The following FBXO42 variants were observed in gnomAD, a reference collection of about 807,000 sequenced individuals.
The protein encoded by FBXO42 is F-box protein 42.
Under a neutral mutation model 71.7 loss-of-function variants are expected in FBXO42, and 12 were observed. The observed-to-expected ratio is 0.17, with a 90% CI of 0.11 to 0.27. The LOEUF (loss-of-function observed/expected upper bound fraction) is 0.27, where lower values mean the gene tolerates loss of function less well. FBXO42 is among the 10% of genes least tolerant of loss of function. The pLI is 1.00. For synonymous variants in FBXO42, 325 were observed against 327.5 expected (o/e 0.99, Z 0.08); for missense variants, 707 against 911.9 (o/e 0.78, Z 2.89).
intron 4 of FBXO42, among the ~76,000 whole-genome samples, chr1:16,287,066 A>T (rs951538874): frequency 6.6e-6 from 1 of 152,192 alleles, no homozygotes; most frequent in Non-Finnish European, 1.5e-5. Flanking sequence ...AGTGAATATG[A>T]CAATGTCCTT....
chr1:16,260,816 C>T (rs995399574), intron 4 of FBXO42, among the ~76,000 whole-genome samples: 3 of 152,156 alleles, frequency 2.0e-5, no homozygotes, highest in African/African-American at 7.2e-5. Flanking sequence ...CTTTCTACCT[C>T]AGCCTCCTAA....
chr1:16,279,854 C>CTTTTTTCTTTTT (rs1553151076), intron 4 of FBXO42, among the ~76,000 whole-genome samples: 10 of 138,168 alleles, frequency 7.2e-5, no homozygotes, highest in African/African-American at 2.7e-4. Flanking sequence ...TTTTTTTTTT[C>CTTTTTTCTTTTT]TTTTTTTTTT....
intron 4 of FBXO42, among the ~76,000 whole-genome samples, chr1:16,286,832 T>A (rs2082026836): frequency 6.6e-6 from 1 of 152,218 alleles, no homozygotes; most frequent in Non-Finnish European, 1.5e-5. Flanking sequence ...GATAAAAACC[T>A]GAAGAGTCAT....
chr1:16,290,977 A>C (rs2082071266), intron 4 of FBXO42, among the ~76,000 whole-genome samples: 1 of 152,314 alleles, frequency 6.6e-6, no homozygotes, highest in East Asian at 1.9e-4. Context: ...ATGTAAAAAG[A>C]CATCTGATGC....
At chr1:16,350,756 A>AGAAAGAAAGAAAG (rs1557612351) in intron 1 of FBXO42, among the ~76,000 whole-genome samples, 1 of 128,392 alleles carries the variant, frequency 7.8e-6, no homozygotes, top group Non-Finnish European at 1.7e-5. Flanking sequence ...AAAAAAAAAA[A>AGAAAGAAAGAAAG]AAAAGAAAGA....
At chr1:16,267,973 A>C (rs1452219303) in intron 4 of FBXO42, among the ~76,000 whole-genome samples, 1 of 152,230 alleles carries the variant, frequency 6.6e-6, no homozygotes, top group Admixed American at 6.5e-5. Flanking sequence ...TGAATAGGGC[A>C]GCACTTATCA....
rs907005091 is a variant in FBXO42, at chr1:16,321,945, G to A, written c.-17-6510C>T. On this transcript the variant is annotated intron_variant, in intron 1 of 9. Coordinates refer to ENST00000375592, the MANE Select transcript of FBXO42 (RefSeq NM_018994.3). ...GCAATTTGGGAGTCCGAGGTGGGTG[G>A]ATCACCTGAGGACGGGAGCTCAAGA... 4.0e-5 allele frequency among the ~76,000 whole-genome samples: 6 copies of A among 151,714 alleles called. 1 individual carries two copies. The highest frequency in any genetic ancestry group is 1.5e-4 in the African/African-American group (6 of 41,334).
rs143462250 is a variant in FBXO42 at position 16,338,775 on chromosome 1, A to G, written c.-18+13480T>C. Among the ~76,000 whole-genome samples the G allele has an allele frequency of 2.1e-5, 3 of 144,550 alleles. No homozygotes were observed. In the East Asian group the frequency reaches 6.5e-4, roughly 31 times the overall value. 94.8% of individuals were successfully genotyped at this position (144,550 alleles called of 152,430 possible). On this transcript the variant is annotated intron_variant, in intron 1 of 9. Coordinates refer to ENST00000375592, the MANE Select transcript of FBXO42 (RefSeq NM_018994.3). ...TAATACATTTTAACAAGATGCTGTG[A>G]TGGAATGGAACATTTTATTTCCATT...
chr1:16,283,570 TCA>T (rs2100507163), intron 4 of FBXO42, among the ~76,000 whole-genome samples: 1 of 142,804 alleles, frequency 7.0e-6, no homozygotes, highest in East Asian at 2.3e-4. Context: ...CAATCTTGGC[TCA>T]CTGCAACCTC....
Position 16,251,855 on chromosome 1 carries a change from T to C in FBXO42, c.1039-70A>G. ...TTGTTCATTCAACTGTCAAACATTT[T>C]ATCATGAGCATCTGTCATGTGCCAG... On this transcript the variant is annotated intron_variant, in intron 9 of 9. Transcript: ENST00000375592. The surrounding 1 kb of genome is among the most constrained non-coding windows in gnomAD (Gnocchi z 4.5). 6.5e-7 allele frequency: 1 copy of C among 1,527,642 alleles called. No homozygotes were observed. The highest frequency in any genetic ancestry group is 1.3e-5 in the South Asian group (1 of 78,812). The allele number at this position is 1,527,642 out of a possible 1,614,324, so 94.6% of individuals were successfully genotyped here.
chr1:16,316,169 C>CAAAA (rs58485035), intron 1 of FBXO42, among the ~76,000 whole-genome samples: 6 of 109,048 alleles, frequency 5.5e-5, no homozygotes, highest in Admixed American at 1.0e-4. Flanking sequence ...ACCTCCATCT[C>CAAAA]AAAAAAAAAA....
intron 1 of FBXO42, among the ~76,000 whole-genome samples, chr1:16,329,191 ATGGGAT>A (rs2082475328): frequency 6.9e-6 from 1 of 145,410 alleles, no homozygotes; most frequent in South Asian, 2.2e-4. Flanking sequence ...AAGAAAATTG[ATGGGAT>A]TGTGTAAAAG....
At chr1:16,290,634 G>A (rs142710621) in intron 4 of FBXO42, among the ~76,000 whole-genome samples, 1,649 of 151,814 alleles carry the variant, frequency 0.011, 31 homozygotes, top group African/African-American at 0.037. Flanking sequence ...AGAGGTTGCA[G>A]TGAACCAAGA....
At chr1:16,264,653 C>T (rs1244035960) in intron 4 of FBXO42, among the ~76,000 whole-genome samples, 1 of 152,210 alleles carries the variant, frequency 6.6e-6, no homozygotes, top group African/African-American at 2.4e-5. Context: ...TCATGGGCTT[C>T]ATTCCCCAAA....
intron 4 of FBXO42, among the ~76,000 whole-genome samples, chr1:16,278,245 A>G (rs376919009): frequency 1.3e-5 from 2 of 151,506 alleles, no homozygotes; most frequent in East Asian, 1.9e-4. Flanking sequence ...AATCCCAGCT[A>G]CTCGGGAGGC....
At chr1:16,347,655 G>A (rs1401411254) in intron 1 of FBXO42, among the ~76,000 whole-genome samples, 2 of 152,000 alleles carry the variant, frequency 1.3e-5, no homozygotes, top group Non-Finnish European at 2.9e-5. Context: ...AGGAGCTCCA[G>A]ACCAGCTTGG....
chr1:16,312,852 T>G (rs2082326451), intron 2 of FBXO42, among the ~76,000 whole-genome samples: 1 of 151,612 alleles, frequency 6.6e-6, no homozygotes, highest in African/African-American at 2.4e-5. Flanking sequence ...TCGAGTGCAG[T>G]GGCTCGATCT....
chr1:16,295,700 G>T (rs2082123026), intron 3 of FBXO42, among the ~76,000 whole-genome samples: 1 of 152,062 alleles, frequency 6.6e-6, no homozygotes, highest in African/African-American at 2.4e-5. Flanking sequence ...GCCAATAAAT[G>T]AATCTTTATA....
intron 4 of FBXO42, among the ~76,000 whole-genome samples, chr1:16,287,870 G>A (rs1405316935): frequency 1.3e-5 from 2 of 151,966 alleles, no homozygotes; most frequent in Non-Finnish European, 2.9e-5. Context: ...GATCGCCTGA[G>A]GTCAGGATTA....
Sources: allele counts gnomAD v4.1 joint callset (sites outside exome capture counted in the v4.1 genomes callset), GRCh38; gene constraint gnomAD v4.1.1; non-coding constraint Gnocchi (gnomAD v3.1); transcripts MANE v1.5; gene names NCBI Gene and HGNC (gene_info 2026-07-23, HGNC 2026-07-21).